Variants in NSL1 observed in about 807,000 individuals in gnomAD.
NSL1 encodes the protein kinetochore-associated protein NSL1 homolog.
NSL1 carries 11 observed loss-of-function variants against 25.4 expected under a neutral mutation model. The ratio of observed to expected loss-of-function variants is 0.43; its 90% CI spans 0.27 to 0.72. The LOEUF (loss-of-function observed/expected upper bound fraction) is 0.72. Among genes scored for constraint, NSL1 ranks in the 30% least tolerant of loss-of-function variants. NSL1 has a pLI of 0.19. For missense variants in NSL1, 330 were observed against 342.7 expected (o/e 0.96, Z 0.29); for synonymous variants, 118 against 120.6 (o/e 0.98, Z 0.14).
At chr1:212,762,322 A>AAG (rs1380395318) in intron 4 of NSL1, among the ~76,000 whole-genome samples, 3 of 150,200 alleles carry the variant, frequency 2.0e-5, no homozygotes, top group African/African-American at 7.5e-5. Flanking sequence ...AAAAAAAAAA[A>AAG]AAAAGAAAAG....
In NSL1 at chr1:212,726,970, A is replaced by G. The variant is rs1255350226; in HGVS notation, c.*11438T>C. Reference sequence around the variant, plus strand: ...CATGGTGGGTGAAGAGCACAGGGAGAGTGTGCTTCCTGGCTGTGTCCTCTC... The same window carrying G: ...CATGGTGGGTGAAGAGCACAGGGAGGGTGTGCTTCCTGGCTGTGTCCTCTC... On this transcript the variant is annotated 3_prime_UTR_variant, in exon 6 of 6. Coordinates refer to ENST00000366977, the MANE Select transcript of NSL1 (RefSeq NM_015471.4). 6 of 665,860 alleles carry G rather than the reference A, an allele frequency of 9.0e-6. No homozygotes were observed. The highest frequency in any genetic ancestry group is 6.0e-5 in the Admixed American group (2 of 33,334). 41.2% of individuals were successfully genotyped at this position (665,860 alleles called of 1,614,324 possible).
Position 212,730,075 on chromosome 1 carries a change from A to C in NSL1, c.*8333T>G. 1.2e-6 allele frequency: 1 copy of C among 835,458 alleles called. No homozygotes were observed. 51.8% of individuals were successfully genotyped at this position (835,458 alleles called of 1,614,324 possible). ...AGACCAGCCTGACCAACATGGCAAA[A>C]CCTCATCTCTATAAAAATGCAAATA... On this transcript the variant is annotated 3_prime_UTR_variant, in exon 6 of 6. Transcript: ENST00000366977.
intron 4 of NSL1, among the ~76,000 whole-genome samples, chr1:212,765,812 A>C (rs1659778773): frequency 6.6e-6 from 1 of 151,864 alleles, no homozygotes; most frequent in Admixed American, 6.6e-5. Flanking sequence ...CTTTAAAAAA[A>C]AAAACAAAAA....
intron 4 of NSL1, among the ~76,000 whole-genome samples, chr1:212,759,312 C>G (rs976884095): frequency 6.6e-6 from 1 of 151,756 alleles, no homozygotes; most frequent in Non-Finnish European, 1.5e-5. Context: ...GCCTCCTCCA[C>G]AAAGAAGGAC....
In NSL1 at chr1:212,728,941, T is replaced by C; in HGVS notation, c.*9467A>G. The C allele has an allele frequency of 1.0e-6, 1 of 985,416 alleles. No homozygotes were observed. The highest frequency in any genetic ancestry group is 1.2e-6 in the Non-Finnish European group (1 of 829,928). 61.0% of individuals were successfully genotyped at this position (985,416 alleles called of 1,614,324 possible). On this transcript the variant is annotated 3_prime_UTR_variant, in exon 6 of 6. Transcript: ENST00000366977. ...GTTTATTTGTGTGTTTGAACGTTTGTTCCCTTTGAATATGAAAGAAAAAGA... is the reference window on the plus strand; with the variant it reads ...GTTTATTTGTGTGTTTGAACGTTTGCTCCCTTTGAATATGAAAGAAAAAGA...
At chr1:212,791,453 G>A in intron 1 of NSL1, 77 bp downstream of exon 1, 2 of 1,338,968 alleles carry the variant, frequency 1.5e-6, no homozygotes, top group Non-Finnish European at 1.0e-6. Context: ...GCCTGGCGTG[G>A]GATCTTTCTG....
chr1:212,751,216 C>T (rs574925530), intron 4 of NSL1, among the ~76,000 whole-genome samples: 33 of 152,094 alleles, frequency 2.2e-4, no homozygotes, highest in Non-Finnish European at 4.0e-4. Flanking sequence ...GGAAGAAAAA[C>T]ACAATGGCAT....
intron 4 of NSL1, among the ~76,000 whole-genome samples, chr1:212,779,868 C>A (rs1035508256): frequency 2.1e-5 from 3 of 146,268 alleles, no homozygotes; most frequent in Non-Finnish European, 4.6e-5. Flanking sequence ...CCGCCCCGTC[C>A]GGGAGGGAGG....
At position 212,776,351 on chromosome 1, in the gene NSL1, G is replaced by C. The variant is rs61159450; in HGVS notation, c.499+6021C>G. Among the ~76,000 whole-genome samples the C allele has an allele frequency of 5.6e-3, 847 of 151,310 alleles. 4 individuals are homozygous for C. Among genetic ancestry groups the C allele is most frequent in the African/African-American group, 0.02 (821 of 41,310 alleles). On this transcript the variant is annotated intron_variant, in intron 4 of 5. Transcript: ENST00000366977. ...GCACTCCAGCCTGGGCAACAAGAGAGAAACTCCGTCTCAAAAAAAAATAAT... is the reference window on the plus strand; with the variant it reads ...GCACTCCAGCCTGGGCAACAAGAGACAAACTCCGTCTCAAAAAAAAATAAT...
At chr1:212,749,362 T>TTTTTTTA (rs1658959449) in intron 4 of NSL1, among the ~76,000 whole-genome samples, 1 of 78,904 alleles carries the variant, frequency 1.3e-5, no homozygotes, top group Non-Finnish European at 2.6e-5. Context: ...TTTTTTTTTT[T>TTTTTTTA]GAGACAGGGT....
intron 5 of NSL1, 24 bp downstream of exon 5, chr1:212,739,510 A>AT (rs777432714): frequency 1.2e-6 from 2 of 1,609,788 alleles, no homozygotes; most frequent in Non-Finnish European, 8.5e-7. Flanking sequence ...TCATTTGATA[A>AT]TTTTTTTAGC....
chr1:212,748,575 A>G (rs1658916293), intron 4 of NSL1, among the ~76,000 whole-genome samples: 1 of 152,332 alleles, frequency 6.6e-6, no homozygotes, highest in African/African-American at 2.4e-5. Flanking sequence ...TCATAGGAAT[A>G]ACACCAATTT....
intron 1 of NSL1, among the ~76,000 whole-genome samples, chr1:212,789,538 G>T (rs891581542): frequency 6.6e-6 from 1 of 152,124 alleles, no homozygotes; most frequent in Admixed American, 6.5e-5. Flanking sequence ...TTATTTTCTA[G>T]AATTACTTTC....
intron 3 of NSL1, among the ~76,000 whole-genome samples, chr1:212,783,484 A>C (rs1660810434): frequency 1.3e-5 from 2 of 152,240 alleles, no homozygotes; most frequent in Non-Finnish European, 2.9e-5. Context: ...AAAATGTTTT[A>C]GATACAATAT....
In NSL1 at chr1:212,736,325, A is replaced by G. The variant is rs1490535148; in HGVS notation, c.*2083T>C. 3.0e-6 allele frequency: 3 copies of G among 984,694 alleles called. No individual in the cohort carries two copies. The highest frequency in any genetic ancestry group is 1.2e-4 in the Admixed American group (2 of 16,262). The allele number at this position is 984,694 out of a possible 1,614,324, so 61.0% of individuals were successfully genotyped here. On this transcript the variant is annotated 3_prime_UTR_variant, in exon 6 of 6. Transcript: ENST00000366977. ...AGGCATGAGCCCACCGCGCCTGGCTATTTCTTTTCTGAAAGATAATTTTAA... is the reference window on the plus strand; with the variant it reads ...AGGCATGAGCCCACCGCGCCTGGCTGTTTCTTTTCTGAAAGATAATTTTAA...
intron 4 of NSL1, among the ~76,000 whole-genome samples, chr1:212,778,174 C>T (rs75040675): frequency 0.02 from 3,022 of 152,038 alleles, 114 homozygotes; most frequent in African/African-American, 0.07. Context: ...CTTACTCAAA[C>T]AGGGAAAGGT....
chr1:212,765,399 G>A (rs1382795892), intron 4 of NSL1, among the ~76,000 whole-genome samples: 2 of 152,164 alleles, frequency 1.3e-5, no homozygotes, highest in African/African-American at 4.8e-5. Context: ...GATCAAGTGG[G>A]TTTCAAACTA....
chr1:212,775,816 A>G (rs115895840), intron 4 of NSL1, among the ~76,000 whole-genome samples: 3,465 of 152,234 alleles, frequency 0.023, 62 homozygotes, highest in South Asian at 0.042. Context: ...AGTAGTAACC[A>G]TAAATTGGTG....
At chr1:212,778,449 G>A (rs1197427640) in intron 4 of NSL1, among the ~76,000 whole-genome samples, 2 of 152,204 alleles carry the variant, frequency 1.3e-5, no homozygotes, top group African/African-American at 4.8e-5. Flanking sequence ...CTGATGCCGA[G>A]CCGAAGCTGG....
Sources: gnomAD v4.1 joint callset for allele counts (sites outside exome capture counted in the v4.1 genomes callset) on GRCh38, gnomAD v4.1.1 for gene constraint, MANE v1.5 for transcripts, NCBI Gene and HGNC (gene_info 2026-07-23, HGNC 2026-07-21) for gene names.